Variants in ESRRG observed in about 807,000 individuals in gnomAD.
The protein encoded by ESRRG is estrogen-related receptor gamma.
ESRRG carries 13 observed loss-of-function variants against 44.0 expected under a neutral mutation model. The ratio of observed to expected loss-of-function variants is 0.30; its 90% CI spans 0.19 to 0.47. The LOEUF (loss-of-function observed/expected upper bound fraction) is 0.47, where lower values mean the gene tolerates loss of function less well. Among genes scored for constraint, ESRRG ranks in the 20% least tolerant of loss-of-function variants. The pLI is 1.00. For missense variants in ESRRG, 395 were observed against 580.6 expected (o/e 0.68, Z 3.29); for synonymous variants, 215 against 214.6 (o/e 1.00, Z -0.02).
At chr1:216,840,194 C>T (rs1191134994) in intron 2 of ESRRG, among the ~76,000 whole-genome samples, 1 of 152,166 alleles carries the variant, frequency 6.6e-6, no homozygotes, top group Non-Finnish European at 1.5e-5. Flanking sequence ...CTAGCTAGAT[C>T]TTCTGGATAA....
chr1:216,694,293 A>C (rs1159973138), intron 1 of ESRRG, among the ~76,000 whole-genome samples: 6 of 152,190 alleles, frequency 3.9e-5, no homozygotes, highest in Non-Finnish European at 5.9e-5. Context: ...AAGGAGGATG[A>C]TCCCCAAAGT....
At chr1:216,584,349 C>T (rs750551263) in intron 3 of ESRRG, among the ~76,000 whole-genome samples, 15 of 151,696 alleles carry the variant, frequency 9.9e-5, no homozygotes, top group African/African-American at 2.7e-4. Flanking sequence ...CTCTGCCCGC[C>T]GGGTTCATGC....
chr1:216,551,248 AAT>A (rs2056246465), intron 5 of ESRRG, among the ~76,000 whole-genome samples: 1 of 152,194 alleles, frequency 6.6e-6, no homozygotes, highest in Non-Finnish European at 1.5e-5. Flanking sequence ...GTAGGCTCTT[AAT>A]ATATACTTTG....
At chr1:216,944,452 A>G (rs920555265) in intron 1 of ESRRG, among the ~76,000 whole-genome samples, 1 of 152,216 alleles carries the variant, frequency 6.6e-6, no homozygotes, top group African/African-American at 2.4e-5. Flanking sequence ...ATGGAAAGAA[A>G]CAGGAAGGTT....
intron 1 of ESRRG, among the ~76,000 whole-genome samples, chr1:216,986,466 C>A (rs890307149): frequency 6.6e-6 from 1 of 152,036 alleles, no homozygotes; most frequent in Non-Finnish European, 1.5e-5. Flanking sequence ...CTAATCCCAG[C>A]ACTTTGGGAG....
chr1:216,756,440 C>T (rs1258770803), intron 2 of ESRRG, among the ~76,000 whole-genome samples: 19 of 151,896 alleles, frequency 1.3e-4, no homozygotes, highest in Admixed American at 1.2e-3. Flanking sequence ...TTTTTCTCTG[C>T]ATATCGCCAC....
chr1:217,006,530 G>A (rs189432045), intron 1 of ESRRG, among the ~76,000 whole-genome samples: 10 of 152,196 alleles, frequency 6.6e-5, no homozygotes, highest in Middle Eastern at 3.4e-3. Flanking sequence ...TATAGGTTGA[G>A]TATCCCTTTT....
intron 1 of ESRRG, among the ~76,000 whole-genome samples, chr1:216,719,127 A>T (rs536551256): frequency 1.9e-4 from 29 of 152,028 alleles, no homozygotes; most frequent in Admixed American, 1.4e-3. Flanking sequence ...TTCGTAAGTG[A>T]TACGGACTTG....
chr1:217,080,357 T>C (rs72741494), intron 1 of ESRRG, among the ~76,000 whole-genome samples: 24,746 of 152,048 alleles, frequency 0.16, 2,274 homozygotes, highest in Admixed American at 0.22. Flanking sequence ...AAAGCTGGAA[T>C]CCTTCAATAA....
At chr1:216,866,422 GA>G (rs1445133414) in intron 2 of ESRRG, among the ~76,000 whole-genome samples, 3 of 152,018 alleles carry the variant, frequency 2.0e-5, no homozygotes, top group African/African-American at 7.2e-5. Context: ...TTTTTTAGGG[GA>G]AAGCAACAAG....
At chr1:216,776,514 G>A (rs770433224) in intron 2 of ESRRG, among the ~76,000 whole-genome samples, 12 of 151,956 alleles carry the variant, frequency 7.9e-5, no homozygotes, top group Non-Finnish European at 1.6e-4. Flanking sequence ...TCTGAGGGTT[G>A]GAACTATGTC....
intron 2 of ESRRG, among the ~76,000 whole-genome samples, chr1:216,836,599 G>A (rs1382251246): frequency 6.6e-6 from 1 of 152,118 alleles, no homozygotes; most frequent in African/African-American, 2.4e-5. Flanking sequence ...TTCCCTCTCT[G>A]TGTGTACAAG....
At chr1:217,036,631 TAGAGGAGAACA>T (rs2082943103) in intron 1 of ESRRG, among the ~76,000 whole-genome samples, 1 of 151,870 alleles carries the variant, frequency 6.6e-6, no homozygotes, top group South Asian at 2.1e-4. Context: ...CATGGACACA[TAGAGGAGAACA>T]ACACACACTG....
chr1:217,118,838 T>A (rs2092775127), intron 1 of ESRRG, among the ~76,000 whole-genome samples: 2 of 150,446 alleles, frequency 1.3e-5, no homozygotes, highest in African/African-American at 2.4e-5. Context: ...GAAAAAAAAA[T>A]AAAAAAGTAG....
At chr1:216,567,216 C>T (rs1026081736) in intron 4 of ESRRG, among the ~76,000 whole-genome samples, 1 of 152,204 alleles carries the variant, frequency 6.6e-6, no homozygotes, top group South Asian at 2.1e-4. Flanking sequence ...CATCCTAAAA[C>T]GCTAGTTCTG....
chr1:216,886,559 A>C (rs144039956), intron 2 of ESRRG, among the ~76,000 whole-genome samples: 1 of 152,206 alleles, frequency 6.6e-6, no homozygotes, highest in Non-Finnish European at 1.5e-5. Context: ...TGTGCTGTAA[A>C]TATGCCTTGA....
intron 1 of ESRRG, among the ~76,000 whole-genome samples, chr1:216,684,979 C>A (rs1463606111): frequency 6.6e-6 from 1 of 152,174 alleles, no homozygotes; most frequent in Non-Finnish European, 1.5e-5. Context: ...ATCTCGAAAA[C>A]CTCCTAGACG....
In ESRRG at chr1:216,866,577, A is replaced by C. The variant is rs201280519; in HGVS notation, c.-14+73005T>G. Among the ~76,000 whole-genome samples, 7 of 133,912 alleles carry C rather than the reference A, an allele frequency of 5.2e-5. No individual in the cohort carries two copies. The East Asian group carries it at 1.3e-3, about 24-fold the overall frequency. The allele number at this position is 133,912 out of a possible 152,430, so 87.9% of individuals were successfully genotyped here. On this transcript the variant is annotated intron_variant, in intron 2 of 7. Coordinates refer to the ESRRG transcript ENST00000359162. ...TGTTTCTTTCTTTCTTTTTTTTTTT[A>C]TTTTTTTTCTTTGAGATAGGGTCTT...
intron 2 of ESRRG, among the ~76,000 whole-genome samples, chr1:216,904,300 C>T (rs1376017685): frequency 6.6e-6 from 1 of 152,052 alleles, no homozygotes; most frequent in African/African-American, 2.4e-5. Context: ...GTAAAACTGA[C>T]ATTCCTCAAA....
Sources: gnomAD v4.1 joint callset for allele counts (sites outside exome capture counted in the v4.1 genomes callset) on GRCh38, gnomAD v4.1.1 for gene constraint, MANE v1.5 for transcripts, NCBI Gene and HGNC (gene_info 2026-07-23, HGNC 2026-07-21) for gene names.